The following C1orf87 variants were observed in gnomAD, a reference collection of about 807,000 sequenced individuals.
The protein encoded by C1orf87 is chromosome 1 open reading frame 87.
In C1orf87, 58 loss-of-function variants were observed where a neutral mutation model predicts 60.5. The ratio of observed to expected loss-of-function variants is 0.96; its 90% CI spans 0.78 to 1.19. The LOEUF (loss-of-function observed/expected upper bound fraction) is 1.19, where lower values mean the gene tolerates loss of function less well. Ranked by LOEUF, C1orf87 falls within the 50% of genes most tolerant of loss-of-function variation. The pLI is 0.00. For synonymous variants in C1orf87, 236 were observed against 227.4 expected, an observed-to-expected ratio of 1.04 and a Z score of -0.34; for missense variants, 673 against 638.6, an observed-to-expected ratio of 1.05 and a Z score of -0.58.
Position 60,052,916 on chromosome 1 carries a change from C to G in C1orf87, c.342+2288G>C, listed in dbSNP as rs150816768. Among the ~76,000 whole-genome samples, 78 of 152,304 alleles carry G rather than the reference C, an allele frequency of 5.1e-4. 1 individual carries two copies. Among genetic ancestry groups the G allele is most frequent in the African/African-American group, 1.8e-3 (75 of 41,576 alleles). On this transcript the variant is annotated intron_variant, in intron 3 of 11. Transcript: ENST00000371201. ...CGCCCGGCAGACAGAACCAATTAGT[C>G]GGTCCCCACACCTCCCACAAGGCCT...
chr1:60,046,551 G>A (rs1645372941), intron 3 of C1orf87, among the ~76,000 whole-genome samples: 1 of 148,906 alleles, frequency 6.7e-6, no homozygotes, highest in African/African-American at 2.5e-5. Context: ...GCAATCCCCT[G>A]TCTCAGCCTC....
chr1:60,068,041 G>A (rs1163613945), intron 2 of C1orf87, among the ~76,000 whole-genome samples: 2 of 152,028 alleles, frequency 1.3e-5, no homozygotes. Flanking sequence ...GTAGATGTGT[G>A]GTGTTATTTC....
At chr1:60,061,757 G>A (rs2100326726) in intron 2 of C1orf87, among the ~76,000 whole-genome samples, 1 of 123,300 alleles carries the variant, frequency 8.1e-6, no homozygotes, top group Middle Eastern at 6.9e-3. Flanking sequence ...TGGACAACAT[G>A]GCCAAACCCC....
intron 9 of C1orf87, among the ~76,000 whole-genome samples, chr1:60,006,944 C>T (rs1645051315): frequency 6.6e-6 from 1 of 151,756 alleles, no homozygotes; most frequent in Non-Finnish European, 1.5e-5. Flanking sequence ...CAGGGTCTCA[C>T]TCTTTTGCAC....
At chr1:60,068,756 C>G (rs17120082) in intron 2 of C1orf87, among the ~76,000 whole-genome samples, 3,462 of 152,216 alleles carry the variant, frequency 0.023, 59 homozygotes, top group East Asian at 0.047. Flanking sequence ...ATATTTAATT[C>G]TTTGGCCTAC....
intron 5 of C1orf87, among the ~76,000 whole-genome samples, chr1:60,038,345 G>A (rs1437090271): frequency 6.6e-6 from 1 of 151,988 alleles, no homozygotes; most frequent in African/African-American, 2.4e-5. Context: ...CATGTGACTA[G>A]TTCTGGCCAA....
At chr1:60,017,360 T>A (rs1298832550) in intron 8 of C1orf87, among the ~76,000 whole-genome samples, 1 of 152,194 alleles carries the variant, frequency 6.6e-6, no homozygotes, top group African/African-American at 2.4e-5. Context: ...CCTCTGGTTG[T>A]TCCTGGGATT....
intron 2 of C1orf87, among the ~76,000 whole-genome samples, chr1:60,064,396 A>G (rs1343009064): frequency 1.4e-5 from 2 of 141,570 alleles, no homozygotes; most frequent in Admixed American, 1.5e-4. Context: ...CAACAAAGTG[A>G]TTCACATACT....
chr1:60,045,090 C>A (rs529007287), intron 3 of C1orf87, among the ~76,000 whole-genome samples: 2 of 152,274 alleles, frequency 1.3e-5, no homozygotes, highest in African/African-American at 4.8e-5. Context: ...CAAGTGAACA[C>A]AACAAATCAT....
At position 60,056,100 on chromosome 1, in the gene C1orf87, C is replaced by T. The variant is rs565156050; in HGVS notation, c.108-662G>A. Among the ~76,000 whole-genome samples, 235 of 152,000 alleles carry T rather than the reference C, an allele frequency of 1.5e-3. 1 individual carries two copies. The highest frequency in any genetic ancestry group is 0.01 in the Middle Eastern group (3 of 294). ...CTCTACTAAAAATACAAAAATCAGCCGGGCGTGGTGGCACACACCTGTAGT... is the reference window on the plus strand; with the variant it reads ...CTCTACTAAAAATACAAAAATCAGCTGGGCGTGGTGGCACACACCTGTAGT... On this transcript the variant is annotated intron_variant, in intron 2 of 11. Coordinates refer to ENST00000371201, the MANE Select transcript of C1orf87 (RefSeq NM_152377.3).
chr1:60,048,647 A>G, intron 3 of C1orf87, among the ~76,000 whole-genome samples: 1 of 152,140 alleles, frequency 6.6e-6, no homozygotes, highest in South Asian at 2.1e-4. Context: ...AAAACAAGAC[A>G]TTCAGAGAAG....
At position 59,997,608 on chromosome 1, in the gene C1orf87, C is replaced by T. The variant is rs765121623; in HGVS notation, c.1480+1G>A. 24 of 1,613,458 alleles carry T rather than the reference C, an allele frequency of 1.5e-5. No homozygotes were observed. Among genetic ancestry groups the T allele is most frequent in the Non-Finnish European group, 1.9e-5 (22 of 1,179,684 alleles). On this transcript the variant is annotated splice_donor_variant, in intron 11 of 11. Transcript: ENST00000371201. LOFTEE classifies it high-confidence loss of function. ...TGCCAGCTTTACAATTCATACTTCACCTGTGTTACTCAGATCACACAGGTA... is the reference window on the plus strand; with the variant it reads ...TGCCAGCTTTACAATTCATACTTCATCTGTGTTACTCAGATCACACAGGTA...
At chr1:60,041,406 A>T (rs1401593364) in intron 3 of C1orf87, among the ~76,000 whole-genome samples, 1 of 152,182 alleles carries the variant, frequency 6.6e-6, no homozygotes, top group African/African-American at 2.4e-5. Flanking sequence ...ACAGGCAAAA[A>T]ATAATAGGTA....
chr1:60,032,913 A>AG (rs1192467110), intron 7 of C1orf87, among the ~76,000 whole-genome samples: 3 of 152,210 alleles, frequency 2.0e-5, no homozygotes, highest in Non-Finnish European at 4.4e-5. Flanking sequence ...TAACAGAGTT[A>AG]CAGTAGTAGT....
At chr1:60,018,312 C>G (rs1574303371) in intron 8 of C1orf87, among the ~76,000 whole-genome samples, 1 of 152,248 alleles carries the variant, frequency 6.6e-6, no homozygotes, top group East Asian at 1.9e-4. Context: ...AAATGCAATT[C>G]TTTTTTAGTT....
intron 2 of C1orf87, among the ~76,000 whole-genome samples, chr1:60,065,001 A>G (rs1645532569): frequency 2.3e-5 from 1 of 43,662 alleles, no homozygotes; most frequent in Non-Finnish European, 4.5e-5. Context: ...ACATATAAAT[A>G]TTAAATATAT....
rs1644949693 is a variant in C1orf87 at position 59,994,503 on chromosome 1, G to A, written c.1480+3106C>T. 2.0e-5 allele frequency among the ~76,000 whole-genome samples: 3 copies of A among 152,142 alleles called. 1 individual carries two copies. Among genetic ancestry groups the A allele is most frequent in the Admixed American group, 2.0e-4 (3 of 15,266 alleles). ...TATGTAAAGTCCGGGCTCATGCAGAGGAATTTCTTTCAGGCTCTCATTGCA... is the reference window on the plus strand; with the variant it reads ...TATGTAAAGTCCGGGCTCATGCAGAAGAATTTCTTTCAGGCTCTCATTGCA... On this transcript the variant is annotated intron_variant, in intron 11 of 11. Transcript: ENST00000371201.
chr1:59,991,005 A>G (rs114297581), intron 11 of C1orf87, among the ~76,000 whole-genome samples, 172 bp from the exon 12 acceptor site: 1 of 152,340 alleles, frequency 6.6e-6, no homozygotes, highest in Non-Finnish European at 1.5e-5. Flanking sequence ...AGCTGTGGGT[A>G]TGCATCACAG....
Position 60,037,946 on chromosome 1 carries a change from C to T in C1orf87, c.863+46G>A, listed in dbSNP as rs137895035. 405 of 1,335,150 alleles carry T rather than the reference C, an allele frequency of 3.0e-4. 1 individual carries two copies. In the African/African-American group the frequency reaches 5.2e-3, roughly 17 times the overall value. 82.7% of individuals were successfully genotyped at this position (1,335,150 alleles called of 1,614,324 possible). ...ACTTTTTTATAGCAGCCCACACAGA[C>T]TAAGACACCTAGGAACAATACCCTC... is the stretch of plus-strand genomic sequence containing the variant. On this transcript the variant is annotated intron_variant, in intron 6 of 11. Transcript: ENST00000371201.
Sources: allele counts gnomAD v4.1 joint callset (sites outside exome capture counted in the v4.1 genomes callset), GRCh38; gene constraint gnomAD v4.1.1; transcripts MANE v1.5; gene names NCBI Gene and HGNC (gene_info 2026-07-23, HGNC 2026-07-21).